Variants in GPHN observed in about 807,000 individuals in gnomAD.
GPHN encodes gephyrin.
A neutral mutation model predicts 95.5 loss-of-function variants in GPHN; 17 were observed. The observed-to-expected ratio is 0.18, with a 90% CI of 0.12 to 0.27. The LOEUF (loss-of-function observed/expected upper bound fraction) is 0.27, where lower values mean the gene tolerates loss of function less well. Among genes scored for constraint, GPHN ranks in the 10% least tolerant of loss-of-function variants. The probability of loss-of-function intolerance (pLI) is 1.00; values close to 1 mark genes in which losing one functional copy is unlikely to be tolerated. For synonymous variants in GPHN, 320 were observed against 322.5 expected (o/e 0.99, Z 0.08); for missense variants, 660 against 978.1 (o/e 0.67, Z 4.34).
chr14:67,577,219 T>C, the GPHN span: 2 of 868,482 alleles, frequency 2.3e-6, no homozygotes, highest in African/African-American at 3.3e-5. Context: ...ATCTTCCCCA[T>C]AAATTAAAGA....
intron 21 of GPHN, among the ~76,000 whole-genome samples, chr14:67,178,592 A>G (rs1489428514): frequency 1.3e-5 from 2 of 152,186 alleles, no homozygotes; most frequent in Non-Finnish European, 2.9e-5. Context: ...TATTTCCTGA[A>G]TTTGAATCAA....
intron 1 of GPHN, among the ~76,000 whole-genome samples, chr14:66,536,042 A>T (rs1313357328): frequency 1.3e-5 from 2 of 152,080 alleles, no homozygotes; most frequent in African/African-American, 4.8e-5. Flanking sequence ...ACCAATTATG[A>T]TGTTAGTTGT....
chr14:66,743,585 A>G (rs2072990049), intron 2 of GPHN, among the ~76,000 whole-genome samples: 1 of 151,814 alleles, frequency 6.6e-6, no homozygotes, highest in Non-Finnish European at 1.5e-5. Context: ...AAAAAAATAC[A>G]AAAAAAATTA....
At chr14:66,604,392 A>G (rs2062410322) in intron 1 of GPHN, among the ~76,000 whole-genome samples, 1 of 152,152 alleles carries the variant, frequency 6.6e-6, no homozygotes, top group Admixed American at 6.5e-5. Context: ...AGATATTTGT[A>G]TGCATATGTA....
chr14:66,654,039 T>C (rs1424600202), intron 1 of GPHN, among the ~76,000 whole-genome samples: 1 of 152,194 alleles, frequency 6.6e-6, no homozygotes, highest in Non-Finnish European at 1.5e-5. Context: ...TTCCAACCAG[T>C]GAACTATGAA....
At chr14:66,580,330 G>C (rs1050405841) in intron 1 of GPHN, among the ~76,000 whole-genome samples, 6 of 151,724 alleles carry the variant, frequency 4.0e-5, no homozygotes, top group Non-Finnish European at 4.4e-5. Context: ...CCCATAGTTA[G>C]TTGAATGAAT....
the GPHN span, among the ~76,000 whole-genome samples, chr14:67,313,346 GCAAACAT>G: frequency 6.6e-6 from 1 of 152,186 alleles, no homozygotes; most frequent in Non-Finnish European, 1.5e-5. Context: ...TCATTGTTGT[GCAAACAT>G]CACTGAGTGT....
At chr14:67,566,565 C>T in the GPHN span, among the ~76,000 whole-genome samples, 37 of 118,696 alleles carry the variant, frequency 3.1e-4, no homozygotes, top group East Asian at 2.5e-3. Context: ...GGCAACACGG[C>T]GAAACCCCAT....
the GPHN span, chr14:67,592,657 G>C: frequency 6.2e-7 from 1 of 1,605,120 alleles, no homozygotes; most frequent in Non-Finnish European, 8.5e-7. Flanking sequence ...TACTACTTGG[G>C]ATATCCCATG....
chr14:66,599,392 A>ATTTTGTTTTTTTTTTTT (rs2062126307), intron 1 of GPHN, among the ~76,000 whole-genome samples: 1 of 76,526 alleles, frequency 1.3e-5, no homozygotes. Flanking sequence ...TTTTTTTTGC[A>ATTTTGTTTTTTTTTTTT]TTTTTTTTTT....
the GPHN span, among the ~76,000 whole-genome samples, chr14:67,513,717 C>A: frequency 9.2e-5 from 14 of 152,256 alleles, no homozygotes; most frequent in African/African-American, 3.4e-4. Context: ...GGAGAGTCCT[C>A]CACCAGTCTA....
At chr14:67,579,696 G>A in the GPHN span, 1 of 1,608,290 alleles carries the variant, frequency 6.2e-7, no homozygotes, top group Non-Finnish European at 8.5e-7. Context: ...GTTCACTCAG[G>A]GTTGGAACTC....
intron 2 of GPHN, among the ~76,000 whole-genome samples, chr14:66,743,359 T>G (rs1466753726): frequency 6.6e-6 from 1 of 152,284 alleles, no homozygotes; most frequent in East Asian, 1.9e-4. Context: ...TTATTTTCTT[T>G]TTTCTTAGAT....
the GPHN span, among the ~76,000 whole-genome samples, chr14:67,410,212 T>G: frequency 6.6e-6 from 1 of 151,988 alleles, no homozygotes; most frequent in Non-Finnish European, 1.5e-5. Context: ...ACTCTCAGCA[T>G]GGTGGGGGTG....
At chr14:67,523,928 G>A in the GPHN span, among the ~76,000 whole-genome samples, 1 of 49,158 alleles carries the variant, frequency 2.0e-5, no homozygotes, top group African/African-American at 6.1e-5. Flanking sequence ...TGAGGACAGG[G>A]AGGGAAGAAT....
At chr14:67,027,221 T>C (rs115984684) in intron 10 of GPHN, among the ~76,000 whole-genome samples, 2,647 of 152,286 alleles carry the variant, frequency 0.017, 70 homozygotes, top group African/African-American at 0.06. Flanking sequence ...TAAAGCAAAC[T>C]TTTGTTATTT....
intron 9 of GPHN, among the ~76,000 whole-genome samples, chr14:66,998,527 T>C (rs553896712): frequency 3.3e-5 from 5 of 152,300 alleles, no homozygotes; most frequent in African/African-American, 1.2e-4. Context: ...TTTCAATTTT[T>C]CATTTGGAAA....
chr14:67,578,046 G>C, the GPHN span: 1 of 1,613,820 alleles, frequency 6.2e-7, no homozygotes, highest in Non-Finnish European at 8.5e-7. This position sits in a 1 kb window ranked among gnomAD's most constrained non-coding sequence, Gnocchi z 5.0. Context: ...TCATCAACGT[G>C]CCGGTGGAAG....
At chr14:67,461,888 T>G in the GPHN span, among the ~76,000 whole-genome samples, 1 of 152,234 alleles carries the variant, frequency 6.6e-6, no homozygotes, top group East Asian at 1.9e-4. Context: ...AGGAACAGGC[T>G]TTCCCTTGGA....
Sources: gnomAD v4.1 joint callset for allele counts (sites outside exome capture counted in the v4.1 genomes callset) on GRCh38, gnomAD v4.1.1 for gene constraint, Gnocchi (gnomAD v3.1) non-coding constraint, MANE v1.5 for transcripts, NCBI Gene and HGNC (gene_info 2026-07-23, HGNC 2026-07-21) for gene names.